The following CASTOR2 variants were observed in gnomAD, a reference collection of about 807,000 sequenced individuals.
CASTOR2 encodes GATS protein like 2.
CASTOR2 carries 8 observed loss-of-function variants against 31.2 expected under a neutral mutation model. That is an observed-to-expected ratio of 0.26 (90% CI 0.15 to 0.46). The LOEUF is 0.46. Among genes scored for constraint, CASTOR2 ranks in the 20% least tolerant of loss-of-function variants. The probability of loss-of-function intolerance (pLI) is 0.99; values close to 1 mark genes in which losing one functional copy is unlikely to be tolerated. For missense variants in CASTOR2, 216 were observed against 382.1 expected, an observed-to-expected ratio of 0.57 and a Z score of 3.62; for synonymous variants, 162 against 158.7, an observed-to-expected ratio of 1.02 and a Z score of -0.16.
chr7:75,014,619 G>T (rs1361838648), intron 2 of CASTOR2, among the ~76,000 whole-genome samples: 2 of 152,036 alleles, frequency 1.3e-5, no homozygotes, highest in Admixed American at 6.6e-5. Context: ...AACAGCTCTG[G>T]GTTCTTTCCC....
At chr7:74,987,802 A>T (rs1274723586) in intron 1 of CASTOR2, among the ~76,000 whole-genome samples, 2 of 151,510 alleles carry the variant, frequency 1.3e-5, no homozygotes, top group Non-Finnish European at 2.9e-5. Flanking sequence ...TCCACCTCCC[A>T]GGTTCAGGCA....
chr7:75,013,292 G>C (rs1256260458), intron 2 of CASTOR2, among the ~76,000 whole-genome samples: 1 of 152,184 alleles, frequency 6.6e-6, no homozygotes, highest in Non-Finnish European at 1.5e-5. Context: ...TGGGAGGGCA[G>C]GGGATGGCTT....
Position 75,028,915 on chromosome 7 carries a change from T to A in CASTOR2, c.*4216T>A, listed in dbSNP as rs1325323034. Among the ~76,000 whole-genome samples the A allele has an allele frequency of 6.6e-6, 1 of 152,040 alleles. No homozygotes were observed. The highest frequency in any genetic ancestry group is 1.9e-4 in the East Asian group (1 of 5,192). On this transcript the variant is annotated 3_prime_UTR_variant, in exon 9 of 9. Transcript: ENST00000616305. Reference sequence around the variant, plus strand: ...ACTCCAAACCACTGGCATTCTCACCTCCTCTCACCTCCAGGCACCAGGCTG... The same window carrying A: ...ACTCCAAACCACTGGCATTCTCACCACCTCTCACCTCCAGGCACCAGGCTG...
intron 2 of CASTOR2, among the ~76,000 whole-genome samples, chr7:75,011,502 A>T (rs1804744296): frequency 6.6e-6 from 1 of 151,056 alleles, no homozygotes; most frequent in South Asian, 2.1e-4. Context: ...TGGGAGGCCG[A>T]GGTGGGTGGA....
At chr7:75,009,525 C>A (rs1411861034) in intron 2 of CASTOR2, among the ~76,000 whole-genome samples, 2 of 152,036 alleles carry the variant, frequency 1.3e-5, no homozygotes, top group African/African-American at 4.8e-5. Flanking sequence ...ACCTCGGCCT[C>A]CCAAAATGCT....
chr7:75,024,615 C>T lies in CASTOR2; in HGVS notation c.925-19C>T. On this transcript the variant is annotated intron_variant, in intron 8 of 8. Coordinates refer to ENST00000616305, the MANE Select transcript of CASTOR2 (RefSeq NM_001145064.3). ...CCTGGGCTCACGGGCAGGCATCTGC[C>T]TCCTCTACCCCTGCACAGGTCCCCG... 6.4e-7 allele frequency: 1 copy of T among 1,551,552 alleles called. No individual in the cohort carries two copies. Among genetic ancestry groups the T allele is most frequent in the Non-Finnish European group, 8.7e-7 (1 of 1,146,844 alleles).
intron 1 of CASTOR2, among the ~76,000 whole-genome samples, chr7:74,974,448 G>A (rs1452454075): frequency 6.6e-6 from 1 of 150,914 alleles, no homozygotes; most frequent in Non-Finnish European, 1.5e-5. Context: ...AGGGGGCATG[G>A]CTGGGAGTGC....
At chr7:74,992,659 C>T (rs1415577781) in intron 1 of CASTOR2, among the ~76,000 whole-genome samples, 2 of 152,102 alleles carry the variant, frequency 1.3e-5, no homozygotes, top group African/African-American at 2.4e-5. Context: ...AGGCTAGTCT[C>T]GAACTCCTGA....
rs968564264 is a variant in CASTOR2 at position 75,030,061 on chromosome 7, G to T, written c.*5362G>T. Among the ~76,000 whole-genome samples the T allele has an allele frequency of 6.3e-3, 963 of 152,380 alleles. 7 individuals are homozygous for T. The highest frequency in any genetic ancestry group is 0.011 in the Non-Finnish European group (720 of 68,044). On this transcript the variant is annotated 3_prime_UTR_variant, in exon 9 of 9. Transcript: ENST00000616305. Reference sequence around the variant, plus strand: ...GGAGCAGCCTGGAGCAGAGGCAGGAGCCTGAGGCCTGAGCCATGGCATCCA... The same window carrying T: ...GGAGCAGCCTGGAGCAGAGGCAGGATCCTGAGGCCTGAGCCATGGCATCCA...
intron 1 of CASTOR2, among the ~76,000 whole-genome samples, chr7:74,982,526 G>A (rs1803970302): frequency 7.0e-6 from 1 of 142,902 alleles, no homozygotes; most frequent in African/African-American, 2.6e-5. Flanking sequence ...GTCCACTAGA[G>A]CAGCACAGTC....
Position 75,030,112 on chromosome 7 carries a change from T to G in CASTOR2, c.*5413T>G, listed in dbSNP as rs1805259063. Among the ~76,000 whole-genome samples, 6 of 152,194 alleles carry G rather than the reference T, an allele frequency of 3.9e-5. No homozygotes were observed. The highest frequency in any genetic ancestry group is 8.8e-5 in the Non-Finnish European group (6 of 68,046). On this transcript the variant is annotated 3_prime_UTR_variant, in exon 9 of 9. Coordinates refer to ENST00000616305, the MANE Select transcript of CASTOR2 (RefSeq NM_001145064.3). ...GGGACAGCCTGGTGGCCGAGAGAGCTTGTGGCTGTCACTATAAGGGAAGAG... is the reference window on the plus strand; with the variant it reads ...GGGACAGCCTGGTGGCCGAGAGAGCGTGTGGCTGTCACTATAAGGGAAGAG...
intron 1 of CASTOR2, among the ~76,000 whole-genome samples, chr7:74,988,326 C>T (rs1424921389): frequency 6.6e-6 from 1 of 151,936 alleles, no homozygotes; most frequent in Non-Finnish European, 1.5e-5. Context: ...GAGACTGAGT[C>T]TCACTCTGTC....
At position 75,031,185 on chromosome 7, in the gene CASTOR2, A is replaced by G. The variant is rs1411802210; in HGVS notation, c.*6486A>G. Among the ~76,000 whole-genome samples, 1 of 152,084 alleles carries G rather than the reference A, an allele frequency of 6.6e-6. No homozygotes were observed. Among genetic ancestry groups the G allele is most frequent in the African/African-American group, 2.4e-5 (1 of 41,420 alleles). ...GTTATCCTGAGATGGGGGTGAGTGG[A>G]TGGATGGTGTACTGAGGGGCCTCTG... On this transcript the variant is annotated 3_prime_UTR_variant, in exon 9 of 9. Transcript: ENST00000616305.
rs1430257311 is a variant in CASTOR2 at position 75,025,402 on chromosome 7, G to A, written c.*703G>A. On this transcript the variant is annotated 3_prime_UTR_variant, in exon 9 of 9. Transcript: ENST00000616305. The stretch of plus-strand genomic sequence containing the variant: ...CTCCCCCACAAGCACTCAGTCCTTG[G>A]GGGAGGAGGGAGGGTCCCAGGAGAC... 6.6e-6 allele frequency among the ~76,000 whole-genome samples: 1 copy of A among 152,192 alleles called. No individual in the cohort carries two copies. Among genetic ancestry groups the A allele is most frequent in the Non-Finnish European group, 1.5e-5 (1 of 68,024 alleles).
chr7:74,996,797 C>T (rs1411747720), intron 1 of CASTOR2, among the ~76,000 whole-genome samples: 6 of 122,586 alleles, frequency 4.9e-5, no homozygotes, highest in Admixed American at 2.1e-4. Flanking sequence ...GGCGCGATCT[C>T]GGCTCACTGC....
intron 7 of CASTOR2, among the ~76,000 whole-genome samples, chr7:75,023,399 C>T (rs1338607991): frequency 1.3e-5 from 2 of 152,016 alleles, no homozygotes; most frequent in South Asian, 4.1e-4. Context: ...TTCCCTAAGA[C>T]TTAGTCTTTC....
At chr7:74,998,419 C>T (rs1359787961) in intron 1 of CASTOR2, among the ~76,000 whole-genome samples, 1 of 152,092 alleles carries the variant, frequency 6.6e-6, no homozygotes, top group Non-Finnish European at 1.5e-5. Flanking sequence ...GCCTGGCCAA[C>T]ATGGCGAAAC....
chr7:75,024,592 T>C (rs1805077918), intron 8 of CASTOR2, 42 bp from the exon 9 acceptor site: 1 of 1,550,998 alleles, frequency 6.4e-7, no homozygotes, highest in Non-Finnish European at 8.7e-7. Flanking sequence ...AGCAGGTTCC[T>C]GGGCTCACGG....
At chr7:75,003,742 C>A (rs1453794054) in intron 1 of CASTOR2, among the ~76,000 whole-genome samples, 1 of 151,582 alleles carries the variant, frequency 6.6e-6, no homozygotes, top group Non-Finnish European at 1.5e-5. Context: ...GAGCGAGACT[C>A]CATCTCAAAA....
Sources: allele counts gnomAD v4.1 joint callset (sites outside exome capture counted in the v4.1 genomes callset), GRCh38; gene constraint gnomAD v4.1.1; transcripts MANE v1.5; gene names NCBI Gene and HGNC (gene_info 2026-07-23, HGNC 2026-07-21).